Variants in POLE2 observed in about 807,000 individuals in gnomAD.
The protein encoded by POLE2 is DNA polymerase epsilon subunit 2.
Under a neutral mutation model 79.4 loss-of-function variants are expected in POLE2, and 56 were observed. The observed-to-expected ratio is 0.71, with a 90% CI of 0.57 to 0.88. POLE2 has a LOEUF of 0.88. POLE2 is among the 40% of genes least tolerant of loss of function. The probability of loss-of-function intolerance (pLI) is 0.00; values close to 1 mark genes in which losing one functional copy is unlikely to be tolerated. For synonymous variants in POLE2, 212 were observed against 214.0 expected (o/e 0.99, Z 0.08); for missense variants, 598 against 638.9 (o/e 0.94, Z 0.69).
At chr14:49,672,691 G>T (rs1223123314) in intron 5 of POLE2, among the ~76,000 whole-genome samples, 1 of 152,020 alleles carries the variant, frequency 6.6e-6, no homozygotes, top group African/African-American at 2.4e-5. Context: ...TAGAGACAGG[G>T]TTTCTCCATG....
chr14:49,656,366 A>C (rs12437109), intron 10 of POLE2, among the ~76,000 whole-genome samples: 33,276 of 151,498 alleles, frequency 0.22, 3,934 homozygotes, highest in Admixed American at 0.3. Flanking sequence ...AAAAAAAAAA[A>C]AAAAAACTGA....
At chr14:49,670,133 T>C (rs917455213) in intron 5 of POLE2, among the ~76,000 whole-genome samples, 2 of 151,786 alleles carry the variant, frequency 1.3e-5, no homozygotes, top group East Asian at 1.9e-4. Context: ...CTGGCCAACA[T>C]AGTGAAACCA....
At chr14:49,656,211 C>G (rs1003332356) in intron 10 of POLE2, among the ~76,000 whole-genome samples, 2 of 151,976 alleles carry the variant, frequency 1.3e-5, no homozygotes, top group Admixed American at 1.3e-4. Flanking sequence ...AAAAATTAGC[C>G]GGGCGACGTG....
At chr14:49,685,195 T>C (rs1887038634) in intron 1 of POLE2, among the ~76,000 whole-genome samples, 1 of 152,220 alleles carries the variant, frequency 6.6e-6, no homozygotes, top group Non-Finnish European at 1.5e-5. Context: ...ACATTTCACA[T>C]ATTATTGTTA....
intron 2 of POLE2, chr14:49,681,752 G>A: frequency 6.6e-6 from 1 of 151,186 alleles, no homozygotes; most frequent in East Asian, 2.0e-4. Context: ...GAACCGAGAT[G>A]GCGCCATTGC....
At chr14:49,664,207 G>A (rs1885304953) in intron 9 of POLE2, among the ~76,000 whole-genome samples, 1 of 151,670 alleles carries the variant, frequency 6.6e-6, no homozygotes, top group Non-Finnish European at 1.5e-5. Flanking sequence ...AAATTAGCTA[G>A]GCATGGTGGC....
chr14:49,647,342 C>T lies in POLE2; in HGVS notation c.1516G>A (p.Gly506Arg), dbSNP rs1191997159. The T allele has an allele frequency of 2.5e-6, 4 of 1,571,800 alleles. No homozygotes were observed. The highest frequency in any genetic ancestry group is 1.8e-5 in the Admixed American group (1 of 55,798). ...GGATAAAAAACTTTGAATGAAAATCCACTTCTTGGAAAAGAGCCCTTTGGG... is the reference window on the plus strand; with the variant it reads ...GGATAAAAAACTTTGAATGAAAATCTACTTCTTGGAAAAGAGCCCTTTGGG... ...CINPGSFPRS[G>R]FSFKVFYPSN... Residue 506 changes from glycine to arginine, a missense_variant, in exon 18 of 19, where the codon GGA becomes AGA. Coordinates refer to ENST00000216367, the MANE Select transcript of POLE2 (RefSeq NM_002692.4).
At chr14:49,666,827 CATT>C (rs925689722) in intron 6 of POLE2, among the ~76,000 whole-genome samples, 10 of 152,132 alleles carry the variant, frequency 6.6e-5, no homozygotes, top group African/African-American at 1.2e-4. Flanking sequence ...AAAAGGCTCT[CATT>C]ATTATTTACA....
At chr14:49,648,914 G>A (rs751970548) in intron 17 of POLE2, among the ~76,000 whole-genome samples, 12 of 152,078 alleles carry the variant, frequency 7.9e-5, no homozygotes, top group Non-Finnish European at 1.8e-4. Flanking sequence ...CAAAGTGCTG[G>A]GATTACAGGC....
chr14:49,666,353 C>T lies in POLE2; in HGVS notation c.553G>A (p.Gly185Arg), dbSNP rs1468500493. 6.5e-7 allele frequency: 1 copy of T among 1,548,824 alleles called. No individual in the cohort carries two copies. Among genetic ancestry groups the T allele is most frequent in the Non-Finnish European group, 8.7e-7 (1 of 1,145,508 alleles). The change falls in exon 7 of 19, where the codon GGA becomes AGA. Residue 185 changes from glycine (G) to arginine (R), a missense_variant. Physicochemically the swap from Gly to Arg is moderately radical, Grantham distance 125. Coordinates refer to ENST00000216367, the MANE Select transcript of POLE2 (RefSeq NM_002692.4). The stretch of plus-strand genomic sequence containing the variant: ...ACCTCTTTTAACTGCGTTATCATTC[C>T]AAGAACAATCGCATCTCCGATTTTG... ...TTKIGDAIVLGMITQLKEGKF... is the reference protein window; with the variant it reads ...TTKIGDAIVLRMITQLKEGKF...
At chr14:49,679,917 C>T in intron 2 of POLE2, 117 bp from the exon 3 acceptor site, 1 of 618,910 alleles carries the variant, frequency 1.6e-6, no homozygotes, top group Non-Finnish European at 2.9e-6. Flanking sequence ...TCTCATTATA[C>T]AGTTTTTGGA....
intron 3 of POLE2, among the ~76,000 whole-genome samples, chr14:49,678,385 G>A (rs1886458803): frequency 6.6e-6 from 1 of 152,082 alleles, no homozygotes. Flanking sequence ...GTTGGGAAAA[G>A]GAAAACTGAT....
intron 17 of POLE2, 37 bp downstream of exon 17, chr14:49,650,228 A>G (rs1369354604): frequency 1.8e-6 from 2 of 1,134,162 alleles, no homozygotes; most frequent in Non-Finnish European, 2.4e-6. Flanking sequence ...TCTAATCTTG[A>G]TAAATAATGA....
chr14:49,648,656 A>C (rs535623715), intron 17 of POLE2, among the ~76,000 whole-genome samples: 58 of 152,326 alleles, frequency 3.8e-4, no homozygotes, highest in Non-Finnish European at 7.5e-4. Flanking sequence ...CAGCTGGGGA[A>C]TACTACTGGC....
At chr14:49,681,738 CAGTGAACCGAGATGGCGCCAT>C (rs1305419325) in intron 2 of POLE2, 18 of 147,754 alleles carry the variant, frequency 1.2e-4, no homozygotes, top group African/African-American at 4.4e-4. Context: ...GGCGCCATTG[CAGTGAACCGAGATGGCGCCAT>C]TGCAGTGAAC....
At chr14:49,654,875 A>C (rs1390461534) in intron 12 of POLE2, 37 bp from the exon 13 acceptor site, 1 of 1,470,444 alleles carries the variant, frequency 6.8e-7, no homozygotes, top group Non-Finnish European at 9.0e-7. Flanking sequence ...AAATTTGCAT[A>C]TAATGCCATA....
At chr14:49,664,544 A>G (rs1885337299) in intron 9 of POLE2, 82 bp downstream of exon 9, 1 of 884,796 alleles carries the variant, frequency 1.1e-6, no homozygotes, top group Non-Finnish European at 1.9e-6. Context: ...CCCAAATTAT[A>G]TCATGTTAAC....
intron 6 of POLE2, among the ~76,000 whole-genome samples, chr14:49,668,871 G>A (rs1885678091): frequency 6.6e-6 from 1 of 152,128 alleles, no homozygotes; most frequent in African/African-American, 2.4e-5. Flanking sequence ...CATGATCTCA[G>A]CTCACTGCAG....
chr14:49,683,828 TTA>T, intron 1 of POLE2, 135 bp from the exon 2 acceptor site: 3 of 550,526 alleles, frequency 5.4e-6, no homozygotes, highest in Non-Finnish European at 9.6e-6. Context: ...AAGTAGCACT[TTA>T]TCTTTCCTGT....
Sources: allele counts gnomAD v4.1 joint callset (sites outside exome capture counted in the v4.1 genomes callset), GRCh38; gene constraint gnomAD v4.1.1; transcripts MANE v1.5; gene names NCBI Gene and HGNC (gene_info 2026-07-23, HGNC 2026-07-21).